The following AUTS2 variants were observed in gnomAD, a reference collection of about 807,000 sequenced individuals.
The protein encoded by AUTS2 is autism susceptibility gene 2 protein.
In AUTS2, 17 loss-of-function variants were observed where a neutral mutation model predicts 112.4. That is an observed-to-expected ratio of 0.15 (90% CI 0.10 to 0.23). The LOEUF is 0.23. Among genes scored for constraint, AUTS2 ranks in the 10% least tolerant of loss-of-function variants. AUTS2 has a pLI of 1.00. For missense variants in AUTS2, 1,510 were observed against 1,701.6 expected, an observed-to-expected ratio of 0.89 and a Z score of 1.98; for synonymous variants, 751 against 702.7, an observed-to-expected ratio of 1.07 and a Z score of -1.09.
intron 2 of AUTS2, among the ~76,000 whole-genome samples, chr7:70,003,403 TAA>T (rs1370847550): frequency 8.1e-6 from 1 of 123,242 alleles, no homozygotes; most frequent in African/African-American, 3.2e-5. Flanking sequence ...TGAATATATA[TAA>T]TATATATGAA....
chr7:70,529,747 C>G (rs1800000980), intron 5 of AUTS2, among the ~76,000 whole-genome samples: 1 of 152,130 alleles, frequency 6.6e-6, no homozygotes, highest in Non-Finnish European at 1.5e-5. Context: ...TGGAGAGGAA[C>G]AATGGAGTTC....
chr7:69,996,946 T>TAAAAA (rs1161825217), intron 2 of AUTS2, among the ~76,000 whole-genome samples: 6 of 99,034 alleles, frequency 6.1e-5, no homozygotes, highest in Admixed American at 2.2e-4. Context: ...CTGGAACACT[T>TAAAAA]AAAAAAAAAA....
At chr7:70,359,058 G>A (rs1473299592) in intron 4 of AUTS2, among the ~76,000 whole-genome samples, 2 of 152,168 alleles carry the variant, frequency 1.3e-5, no homozygotes, top group African/African-American at 4.8e-5. Flanking sequence ...ATAGCATACT[G>A]CTAACCAGAC....
At chr7:70,574,926 G>C (rs1802095513) in intron 5 of AUTS2, among the ~76,000 whole-genome samples, 1 of 152,226 alleles carries the variant, frequency 6.6e-6, no homozygotes, top group African/African-American at 2.4e-5. Context: ...AGATAGGACA[G>C]AGAGGTTGTT....
chr7:70,151,538 A>G (rs187629497), intron 4 of AUTS2, among the ~76,000 whole-genome samples: 66 of 152,244 alleles, frequency 4.3e-4, no homozygotes, highest in Non-Finnish European at 8.2e-4. Flanking sequence ...CAATGGTACT[A>G]TTGTGGCCCA....
intron 2 of AUTS2, 83 bp from the exon 3 acceptor site, chr7:70,118,049 T>C (rs775810947): frequency 2.0e-5 from 29 of 1,459,036 alleles, no homozygotes; most frequent in Non-Finnish European, 2.6e-5. Context: ...TGCCTGGCTG[T>C]TCACTCTTGA....
At chr7:70,255,721 T>G (rs1344692822) in intron 4 of AUTS2, among the ~76,000 whole-genome samples, 3 of 152,230 alleles carry the variant, frequency 2.0e-5, no homozygotes, top group Non-Finnish European at 4.4e-5. Context: ...ATTCATCATT[T>G]CAGCCAGCTT....
At chr7:70,076,274 G>A (rs567196925) in intron 2 of AUTS2, among the ~76,000 whole-genome samples, 2 of 152,238 alleles carry the variant, frequency 1.3e-5, no homozygotes, top group East Asian at 3.9e-4. Flanking sequence ...ACATGGAAAA[G>A]GCTCAAGTTA....
At chr7:70,364,531 A>C (rs1322426588) in intron 4 of AUTS2, among the ~76,000 whole-genome samples, 1 of 151,468 alleles carries the variant, frequency 6.6e-6, no homozygotes, top group African/African-American at 2.4e-5. Context: ...ACGCCACTGC[A>C]CTCCAGCCTG....
chr7:70,660,002 C>T (rs1806982905), intron 5 of AUTS2, among the ~76,000 whole-genome samples: 1 of 151,916 alleles, frequency 6.6e-6, no homozygotes, highest in East Asian at 1.9e-4. Flanking sequence ...CATGGTGAAA[C>T]CCCATCTCTA....
chr7:69,714,439 T>A (rs1798502885), intron 1 of AUTS2, among the ~76,000 whole-genome samples: 1 of 152,168 alleles, frequency 6.6e-6, no homozygotes, highest in South Asian at 2.1e-4. Context: ...TATCTAATTA[T>A]GTCAGCATCA....
intron 2 of AUTS2, among the ~76,000 whole-genome samples, chr7:70,043,939 C>T (rs1289193673): frequency 1.3e-5 from 2 of 152,080 alleles, no homozygotes; most frequent in Non-Finnish European, 2.9e-5. Context: ...TCTATGTATT[C>T]TCTTGGTGGT....
intron 1 of AUTS2, among the ~76,000 whole-genome samples, chr7:69,672,789 T>C (rs1338171549): frequency 6.6e-6 from 1 of 152,226 alleles, no homozygotes; most frequent in African/African-American, 2.4e-5. Context: ...GTCTTCCCTG[T>C]TGGCATCTTC....
intron 5 of AUTS2, among the ~76,000 whole-genome samples, chr7:70,482,865 T>C (rs1385160343): frequency 6.6e-6 from 1 of 151,474 alleles, no homozygotes; most frequent in Non-Finnish European, 1.5e-5. Flanking sequence ...CATATATATA[T>C]GTGTACACAC....
At position 70,565,161 on chromosome 7, in the gene AUTS2, G is replaced by A. The variant is rs113239737; in HGVS notation, c.690+129380G>A. 5.0e-3 allele frequency among the ~76,000 whole-genome samples: 767 copies of A among 152,230 alleles called. 7 individuals carry two copies. Among genetic ancestry groups the A allele is most frequent in the African/African-American group, 0.017 (719 of 41,528 alleles). ...AGTAATAGTTTACCTTTATTATCTT[G>A]TAATTTTAAAAGTACAAAATGCACA... is the stretch of plus-strand genomic sequence containing the variant. On this transcript the variant is annotated intron_variant, in intron 5 of 18. Transcript: ENST00000342771.
At chr7:69,928,555 G>A (rs1796113272) in intron 2 of AUTS2, among the ~76,000 whole-genome samples, 2 of 152,232 alleles carry the variant, frequency 1.3e-5, no homozygotes, top group South Asian at 4.1e-4. Context: ...TGAGGTAGCA[G>A]GGGGCTGGTA....
intron 4 of AUTS2, among the ~76,000 whole-genome samples, chr7:70,329,495 T>C (rs1016118782): frequency 2.0e-5 from 3 of 152,104 alleles, no homozygotes; most frequent in Admixed American, 6.6e-5. Context: ...TGGTACCTCA[T>C]TGTAAATTTG....
rs1228361187 is a variant in AUTS2 at position 70,763,217 on chromosome 7, C to T, written c.1090C>T (p.Pro364Ser). The T allele has an allele frequency of 5.6e-6, 9 of 1,613,960 alleles. No individual in the cohort carries two copies. Among genetic ancestry groups the T allele is most frequent in the Non-Finnish European group, 7.6e-6 (9 of 1,179,994 alleles). ...GCCTCAGGTGCAGAGGCCACCCAGG[C>T]CACAGTCCCCCACCCAGCTGCTCCA... is the stretch of plus-strand genomic sequence containing the variant. ...PQPQVQRPPR[P>S]QSPTQLLHQN... The change falls in exon 7 of 19, where the codon CCA becomes TCA. Residue 364 changes from proline to serine, a missense_variant. Coordinates refer to ENST00000342771, the MANE Select transcript of AUTS2 (RefSeq NM_015570.4).
At chr7:70,460,679 G>T (rs912495905) in intron 5 of AUTS2, among the ~76,000 whole-genome samples, 1 of 152,044 alleles carries the variant, frequency 6.6e-6, no homozygotes, top group Non-Finnish European at 1.5e-5. Flanking sequence ...GGTCAGCTTC[G>T]GCTTCCTATT....
Sources: gnomAD v4.1 joint callset for allele counts (sites outside exome capture counted in the v4.1 genomes callset) on GRCh38, gnomAD v4.1.1 for gene constraint, MANE v1.5 for transcripts, NCBI Gene and HGNC (gene_info 2026-07-23, HGNC 2026-07-21) for gene names.